SIPA1L2: variants seen among roughly 807,000 people sequenced by gnomAD.
SIPA1L2 encodes signal induced proliferation associated 1 like 2, also known as signal-induced proliferation-associated 1-like protein 2.
A neutral mutation model predicts 163.9 loss-of-function variants in SIPA1L2; 56 were observed. That is an observed-to-expected ratio of 0.34 (90% confidence interval 0.28 to 0.43). The LOEUF (loss-of-function observed/expected upper bound fraction) is 0.43. SIPA1L2 is among the 20% of genes least tolerant of loss of function. SIPA1L2 has a pLI of 1.00. For missense variants in SIPA1L2, 1,974 were observed against 2,193.5 expected, an observed-to-expected ratio of 0.90 and a Z score of 2.00; for synonymous variants, 877 against 865.7, an observed-to-expected ratio of 1.01 and a Z score of -0.23.
At chr1:232,548,095 A>C (rs898463646) in intron 2 of SIPA1L2, among the ~76,000 whole-genome samples, 2 of 152,202 alleles carry the variant, frequency 1.3e-5, no homozygotes, top group African/African-American at 4.8e-5. Flanking sequence ...ATAATTACAT[A>C]ATCCACTTTT....
At chr1:232,621,010 T>G (rs1338117555) in intron 1 of SIPA1L2, among the ~76,000 whole-genome samples, 3 of 152,224 alleles carry the variant, frequency 2.0e-5, no homozygotes. Flanking sequence ...AAACAAAGAT[T>G]ATGCAAATCT....
In SIPA1L2 at chr1:232,620,396, C is replaced by A. The variant is rs574017360; in HGVS notation, c.-319+9473G>T. On this transcript the variant is annotated intron_variant, in intron 1 of 22. Coordinates refer to ENST00000674635, the MANE Select transcript of SIPA1L2 (RefSeq NM_020808.5). ...CCAGGGTGCTACAGCAAGGGAAGTA[C>A]AGATGTGCTAAGCCTTTGCTATTGG... Among the ~76,000 whole-genome samples, 716 of 152,282 alleles carry A rather than the reference C, an allele frequency of 4.7e-3. 2 individuals carry two copies. Among genetic ancestry groups the A allele is most frequent in the Non-Finnish European group, 6.6e-3 (451 of 68,022 alleles).
chr1:232,569,085 C>A (rs12126789), intron 2 of SIPA1L2, among the ~76,000 whole-genome samples: 2 of 152,268 alleles, frequency 1.3e-5, no homozygotes, highest in East Asian at 3.9e-4. Context: ...CTCTTGAGAG[C>A]CCACAGTCTC....
Position 232,419,407 on chromosome 1 carries a change from C to T in SIPA1L2, c.4631-3782G>A, listed in dbSNP as rs114123141. On this transcript the variant is annotated intron_variant, in intron 18 of 22. Coordinates refer to ENST00000674635, the MANE Select transcript of SIPA1L2 (RefSeq NM_020808.5). ...GTTTTTTTGAGTCTCTGACATGGTC[C>T]GGATGTTGTCCCCTCTAAATCTCAT... Among the ~76,000 whole-genome samples the T allele has an allele frequency of 7.4e-3, 1,133 of 152,208 alleles. 14 individuals are homozygous for T. The highest frequency in any genetic ancestry group is 0.026 in the African/African-American group (1,061 of 41,522).
At chr1:232,423,358 G>A (rs181762951) in intron 18 of SIPA1L2, among the ~76,000 whole-genome samples, 140 of 152,320 alleles carry the variant, frequency 9.2e-4, no homozygotes, top group Non-Finnish European at 1.5e-3. Context: ...TAGTCAGAAG[G>A]CCAGGGAACT....
chr1:232,429,470 A>C (rs150443362), intron 16 of SIPA1L2, among the ~76,000 whole-genome samples: 6 of 152,352 alleles, frequency 3.9e-5, no homozygotes, highest in African/African-American at 9.6e-5. Flanking sequence ...AATAAGAAAC[A>C]TACACAAACA....
At chr1:232,564,164 GTGTGTGTGTGT>G (rs1659239767) in intron 2 of SIPA1L2, among the ~76,000 whole-genome samples, 2 of 98,694 alleles carry the variant, frequency 2.0e-5, no homozygotes, top group Non-Finnish European at 3.7e-5. Context: ...GTGTGTGTGT[GTGTGTGTGTGT>G]GTGTGTGTGT....
intron 2 of SIPA1L2, among the ~76,000 whole-genome samples, chr1:232,571,360 T>C (rs575532715): frequency 6.6e-6 from 1 of 152,380 alleles, no homozygotes; most frequent in South Asian, 2.1e-4. Context: ...ATAGTACATA[T>C]TGAATAATTC....
chr1:232,574,593 G>C (rs1257913978), intron 1 of SIPA1L2, among the ~76,000 whole-genome samples: 1 of 151,870 alleles, frequency 6.6e-6, no homozygotes, highest in African/African-American at 2.4e-5. Context: ...AATATAAAGG[G>C]GTTATTACCA....
chr1:232,496,367 C>CTGT (rs1428171665), intron 3 of SIPA1L2, among the ~76,000 whole-genome samples: 2 of 152,162 alleles, frequency 1.3e-5, no homozygotes, highest in Non-Finnish European at 2.9e-5. Context: ...TAAGCACACT[C>CTGT]TACAGCATTT....
At chr1:232,620,695 G>T (rs1329694853) in intron 1 of SIPA1L2, among the ~76,000 whole-genome samples, 2 of 152,190 alleles carry the variant, frequency 1.3e-5, no homozygotes, top group African/African-American at 4.8e-5. Context: ...CAATGATTGC[G>T]TCAGAGCTAT....
intron 10 of SIPA1L2, among the ~76,000 whole-genome samples, chr1:232,460,390 T>G (rs371868456): frequency 3.3e-5 from 5 of 152,344 alleles, no homozygotes; most frequent in Middle Eastern, 3.4e-3. Flanking sequence ...CAATTGAGAA[T>G]GGAGTATTTA....
At chr1:232,578,850 T>C (rs1383461281) in intron 1 of SIPA1L2, among the ~76,000 whole-genome samples, 1 of 152,186 alleles carries the variant, frequency 6.6e-6, no homozygotes, top group East Asian at 1.9e-4. Context: ...ACTGCAGAGT[T>C]TTACTTCATT....
At chr1:232,443,993 T>C (rs1663059500) in intron 11 of SIPA1L2, among the ~76,000 whole-genome samples, 1 of 152,158 alleles carries the variant, frequency 6.6e-6, no homozygotes, top group Non-Finnish European at 1.5e-5. Context: ...AGAACAGCAA[T>C]ACAATTTCCG....
intron 5 of SIPA1L2, among the ~76,000 whole-genome samples, chr1:232,485,594 A>G (rs1665607048): frequency 6.6e-6 from 1 of 152,172 alleles, no homozygotes; most frequent in South Asian, 2.1e-4. Context: ...TTTGCTCCTG[A>G]GTGACTCAGA....
intron 18 of SIPA1L2, among the ~76,000 whole-genome samples, chr1:232,421,271 G>T (rs990069737): frequency 6.6e-6 from 1 of 152,198 alleles, no homozygotes; most frequent in Non-Finnish European, 1.5e-5. Flanking sequence ...TGAAAGGGGG[G>T]TAGTATCAGG....
chr1:232,455,641 C>CGAGCCGGAGCTTGCAGT (rs1443877981), intron 10 of SIPA1L2, among the ~76,000 whole-genome samples: 3 of 104,298 alleles, frequency 2.9e-5, no homozygotes, highest in African/African-American at 8.3e-5. Flanking sequence ...GAGCTTGCAG[C>CGAGCCGGAGCTTGCAGT]GAGCCGGAGC....
chr1:232,429,958 T>C (rs1436012399), intron 16 of SIPA1L2, among the ~76,000 whole-genome samples: 1 of 152,240 alleles, frequency 6.6e-6, no homozygotes, highest in African/African-American at 2.4e-5. Context: ...CTAGTTTCTA[T>C]ATACGTTTAT....
chr1:232,491,725 A>G (rs992237496), intron 4 of SIPA1L2, among the ~76,000 whole-genome samples: 1 of 152,188 alleles, frequency 6.6e-6, no homozygotes, highest in Non-Finnish European at 1.5e-5. Flanking sequence ...AATCAAGAGA[A>G]CTGGTTCTAA....
Sources: allele counts gnomAD v4.1 joint callset (sites outside exome capture counted in the v4.1 genomes callset), GRCh38; gene constraint gnomAD v4.1.1; transcripts MANE v1.5; gene names NCBI Gene and HGNC (gene_info 2026-07-23, HGNC 2026-07-21).